STOX2: variants seen among roughly 807,000 people sequenced by gnomAD.
STOX2 encodes the protein storkhead-box protein 2.
A neutral mutation model predicts 60.9 loss-of-function variants in STOX2; 28 were observed. That is an observed-to-expected ratio of 0.46 (90% CI 0.34 to 0.63). The LOEUF (loss-of-function observed/expected upper bound fraction) is 0.63, where lower values mean the gene tolerates loss of function less well. Ranked by LOEUF, STOX2 falls within the 30% of genes least tolerant of loss-of-function variation. The pLI, the probability that STOX2 is intolerant of heterozygous loss-of-function variation, is 0.01. For missense variants in STOX2, 1,024 were observed against 1,187.7 expected (o/e 0.86, Z 2.03); for synonymous variants, 472 against 463.9 (o/e 1.02, Z -0.22).
intron 1 of STOX2, among the ~76,000 whole-genome samples, chr4:183,855,149 G>A (rs947807512): frequency 7.2e-5 from 11 of 152,264 alleles, no homozygotes; most frequent in African/African-American, 1.9e-4. Context: ...CACAGCTGTC[G>A]AATACGAGGT....
At chr4:183,881,009 C>G (rs1197070309) in intron 1 of STOX2, among the ~76,000 whole-genome samples, 1 of 152,156 alleles carries the variant, frequency 6.6e-6, no homozygotes, top group African/African-American at 2.4e-5. Context: ...TGAAAACATT[C>G]TCTAAATATA....
intron 1 of STOX2, among the ~76,000 whole-genome samples, chr4:183,831,718 CA>C (rs1739571932): frequency 6.6e-6 from 1 of 152,040 alleles, no homozygotes; most frequent in African/African-American, 2.4e-5. Flanking sequence ...GATCAGGTAG[CA>C]AAATGCACTT....
upstream of STOX2, among the ~76,000 whole-genome samples, chr4:183,904,458 C>T (rs902371153): frequency 2.0e-5 from 3 of 151,718 alleles, no homozygotes; most frequent in South Asian, 4.1e-4. Flanking sequence ...CCTTCTATAA[C>T]TTCTAAAGCT....
At chr4:184,016,069 A>G (rs1239226172) in intron 3 of STOX2, 1 of 152,256 alleles carries the variant, frequency 6.6e-6, no homozygotes, top group Non-Finnish European at 1.5e-5. Context: ...CCTGTATTCT[A>G]TACGAATTAT....
chr4:183,854,381 G>A (rs1740236900), intron 1 of STOX2, among the ~76,000 whole-genome samples: 2 of 152,124 alleles, frequency 1.3e-5, no homozygotes, highest in African/African-American at 4.8e-5. Flanking sequence ...CATAGATAGA[G>A]ACTAAACATA....
intron 1 of STOX2, among the ~76,000 whole-genome samples, chr4:183,945,780 T>C (rs371371666): frequency 9.8e-5 from 15 of 152,346 alleles, no homozygotes; most frequent in African/African-American, 2.6e-4. Flanking sequence ...AATGCTCTCT[T>C]GTCCTCAGTC....
chr4:183,863,089 T>C (rs965478655), intron 1 of STOX2, among the ~76,000 whole-genome samples: 6 of 152,204 alleles, frequency 3.9e-5, no homozygotes, highest in Non-Finnish European at 7.4e-5. Flanking sequence ...GCAGGTAGCC[T>C]TGTGTCTCCC....
intron 1 of STOX2, among the ~76,000 whole-genome samples, chr4:183,963,861 C>T (rs1338361079): frequency 6.0e-5 from 9 of 150,636 alleles, no homozygotes; most frequent in East Asian, 2.0e-4. Context: ...CTGCAAGCTC[C>T]GCCTCCCGGG....
chr4:183,892,094 T>G (rs902295895), intron 1 of STOX2, among the ~76,000 whole-genome samples: 3 of 152,256 alleles, frequency 2.0e-5, no homozygotes, highest in African/African-American at 7.2e-5. Flanking sequence ...ACTGTTTTAG[T>G]AAAACCCTTG....
intron 1 of STOX2, among the ~76,000 whole-genome samples, chr4:183,915,080 C>T (rs1741891304): frequency 6.6e-6 from 1 of 152,220 alleles, no homozygotes; most frequent in Non-Finnish European, 1.5e-5. Flanking sequence ...CAGTCAAAGT[C>T]TCCATTTATC....
chr4:183,982,125 T>C (rs754667792), intron 1 of STOX2, among the ~76,000 whole-genome samples: 14 of 152,346 alleles, frequency 9.2e-5, no homozygotes, highest in Non-Finnish European at 1.8e-4. Context: ...CCTTCCCACT[T>C]TGGGCTCTAG....
At chr4:183,940,736 C>G (rs959614565) in intron 1 of STOX2, among the ~76,000 whole-genome samples, 1 of 152,188 alleles carries the variant, frequency 6.6e-6, no homozygotes, top group Non-Finnish European at 1.5e-5. Flanking sequence ...AGCCTGACTT[C>G]CTTTTTCTTT....
intron 1 of STOX2, among the ~76,000 whole-genome samples, chr4:183,874,072 G>A (rs1216746525): frequency 6.6e-6 from 1 of 152,214 alleles, no homozygotes; most frequent in Non-Finnish European, 1.5e-5. Flanking sequence ...TAAGTGGCGA[G>A]CGGACAATCA....
rs1475211583 is a variant in STOX2, at chr4:183,825,372, G to A, written c.364+27317G>A. ...GAGGAAGGTGGGCCGGGAGCGGTCA[G>A]CCTTCACACAGCTGGGCCATCCCTC... On this transcript the variant is annotated intron_variant, in intron 1 of 2. Transcript: ENST00000513034. This position sits in a 1 kb window ranked among gnomAD's most constrained non-coding sequence, Gnocchi z 4.1. 6.6e-6 allele frequency among the ~76,000 whole-genome samples: 1 copy of A among 152,038 alleles called. No homozygotes were observed. Among genetic ancestry groups the A allele is most frequent in the Non-Finnish European group, 1.5e-5 (1 of 68,038 alleles).
At chr4:183,930,378 G>A (rs1462429130) in intron 1 of STOX2, among the ~76,000 whole-genome samples, 2 of 150,210 alleles carry the variant, frequency 1.3e-5, no homozygotes, top group Admixed American at 6.6e-5. Context: ...TTTGAGACAG[G>A]GTCTTACTCT....
chr4:183,799,700 AT>A (rs1470861562), intron 1 of STOX2, among the ~76,000 whole-genome samples: 1 of 151,900 alleles, frequency 6.6e-6, no homozygotes, highest in African/African-American at 2.4e-5. Flanking sequence ...TATCAACTTG[AT>A]TTCATTTGTA....
At position 184,009,005 on chromosome 4, in the gene STOX2, T is replaced by C. The variant is rs1278806970; in HGVS notation, c.320-153T>C. ...GGAGTTACCCAAGAAGGCGAGGATT[T>C]GCACTGAACTTAATGAACACCTTTG... On this transcript the variant is annotated intron_variant, in intron 2 of 3. Coordinates refer to ENST00000308497, the MANE Select transcript of STOX2 (RefSeq NM_020225.3). This position sits in a 1 kb window ranked among gnomAD's most constrained non-coding sequence, Gnocchi z 4.0. Among the ~76,000 whole-genome samples the C allele has an allele frequency of 6.6e-6, 1 of 152,180 alleles. No individual in the cohort carries two copies. Among genetic ancestry groups the C allele is most frequent in the East Asian group, 1.9e-4 (1 of 5,196 alleles).
intron 1 of STOX2, among the ~76,000 whole-genome samples, chr4:183,910,733 C>T (rs182029321): frequency 6.0e-4 from 92 of 152,202 alleles, no homozygotes; most frequent in African/African-American, 2.0e-3. Context: ...GTAAAGCGTG[C>T]GTTTTTAATA....
intron 1 of STOX2, among the ~76,000 whole-genome samples, chr4:183,807,023 A>G (rs999730353): frequency 2.6e-5 from 4 of 151,508 alleles, no homozygotes; most frequent in Non-Finnish European, 5.9e-5. Flanking sequence ...CCCAGGCTGG[A>G]GTGCAGTGGC....
Sources: allele counts gnomAD v4.1 joint callset (sites outside exome capture counted in the v4.1 genomes callset), GRCh38; gene constraint gnomAD v4.1.1; non-coding constraint Gnocchi (gnomAD v3.1); transcripts MANE v1.5; gene names NCBI Gene and HGNC (gene_info 2026-07-23, HGNC 2026-07-21).